PRDM8: variants seen among roughly 807,000 people sequenced by gnomAD.
PRDM8 encodes the protein PR/SET domain 8.
PRDM8 carries 13 observed loss-of-function variants against 46.5 expected under a neutral mutation model. The ratio of observed to expected loss-of-function variants is 0.28; its 90% CI spans 0.18 to 0.44. PRDM8 has a LOEUF of 0.44. PRDM8 is among the 20% of genes least tolerant of loss of function. The probability of loss-of-function intolerance (pLI) is 1.00; values close to 1 mark genes in which losing one functional copy is unlikely to be tolerated. For synonymous variants in PRDM8, 473 were observed against 438.4 expected (o/e 1.08, Z -0.98); for missense variants, 998 against 955.0 (o/e 1.04, Z -0.59).
chr4:80,193,328 A>G (rs1737691647), upstream of PRDM8, among the ~76,000 whole-genome samples: 1 of 152,194 alleles, frequency 6.6e-6, no homozygotes, highest in South Asian at 2.1e-4. Flanking sequence ...AAAAACGAGT[A>G]GCCCTTCCCA....
upstream of PRDM8, chr4:80,197,393 G>C: frequency 1.0e-6 from 1 of 976,782 alleles, no homozygotes; most frequent in Non-Finnish European, 1.2e-6. Context: ...AGGCGGCGCC[G>C]GAGGGAGCGC....
At chr4:80,185,505 G>A (rs1241068403) in exon 1 of PRDM8, 1 of 152,360 alleles carries the variant, frequency 6.6e-6, no homozygotes. Flanking sequence ...AAAATCGTCA[G>A]GGGCGGCGGC....
chr4:80,196,666 C>T (rs1231217557), upstream of PRDM8: 3 of 964,870 alleles, frequency 3.1e-6, no homozygotes, highest in Non-Finnish European at 3.7e-6. Flanking sequence ...GCCAACAGTA[C>T]CCATTATAGA....
At position 80,203,285 on chromosome 4, in the gene PRDM8, C is replaced by T. The variant is rs1433053403; in HGVS notation, c.1823C>T (p.Ala608Val). Residue 608 changes from alanine (A) to valine (V), a missense_variant, in exon 4 of 4, where the codon GCG becomes GTG. Physicochemically the swap from Ala to Val is moderately conservative, Grantham distance 64. Transcript: ENST00000415738. ...AGPLQLQLPS[A>V]LTLLPPSFTS... ...CCCTTGCAGCTGCAGCTGCCCTCGG[C>T]GCTCACGCTGCTGCCGCCCTCCTTC... 2 of 1,602,160 alleles carry T rather than the reference C, an allele frequency of 1.2e-6. No individual in the cohort carries two copies. Among genetic ancestry groups the T allele is most frequent in the Admixed American group, 1.7e-5 (1 of 58,820 alleles).
chr4:80,203,321 G>C lies in PRDM8; in HGVS notation c.1859G>C (p.Cys620Ser). 6.2e-7 allele frequency: 1 copy of C among 1,613,530 alleles called. No homozygotes were observed. Among genetic ancestry groups the C allele is most frequent in the Non-Finnish European group, 8.5e-7 (1 of 1,179,900 alleles). Residue 620 changes from cysteine to serine, a missense_variant, in exon 4 of 4, where the codon TGT becomes TCT. By Grantham distance (112) the Cys-to-Ser change is moderately radical (BLOSUM62 -1). Coordinates refer to ENST00000415738, the MANE Select transcript of PRDM8 (RefSeq NM_001099403.2). ...TLLPPSFTSL[C>S]LPAQNWCAKC... ...CTGCCGCCCTCCTTCACCTCGCTGT[G>C]TCTGCCCGCGCAGAACTGGTGCGCC...
upstream of PRDM8, chr4:80,196,025 CT>C: frequency 3.1e-6 from 3 of 982,954 alleles, no homozygotes; most frequent in Non-Finnish European, 3.6e-6. Context: ...AAATCCTCCC[CT>C]GGCCTCCTGG....
chr4:80,186,286 CTT>C (rs3834215), intron 1 of PRDM8, among the ~76,000 whole-genome samples: 1 of 150,348 alleles, frequency 6.7e-6, no homozygotes, highest in Admixed American at 6.6e-5. Flanking sequence ...TATTAGGAGC[CTT>C]TTTTTTTCCA....
chr4:80,203,774 A>G lies in PRDM8; in HGVS notation c.*242A>G. ...CACACACACACAGACACACTCACAC[A>G]CAAGAGCCAGGATGGTGGAGTTTTG... On this transcript the variant is annotated 3_prime_UTR_variant, in exon 4 of 4. Coordinates refer to ENST00000415738, the MANE Select transcript of PRDM8 (RefSeq NM_001099403.2). The G allele has an allele frequency of 2.6e-6, 1 of 386,844 alleles. No homozygotes were observed. The highest frequency in any genetic ancestry group is 4.5e-6 in the Non-Finnish European group (1 of 220,598). The allele number at this position is 386,844 out of a possible 1,614,324, so 24.0% of individuals were successfully genotyped here. A position where few individuals can be genotyped will look rare whatever the true frequency, so the allele number is the denominator to read the frequency against.
In PRDM8 at chr4:80,202,194, C is replaced by A; in HGVS notation, c.732C>A (p.Ser244Arg). 2 of 1,612,084 alleles carry A rather than the reference C, an allele frequency of 1.2e-6. No homozygotes were observed. Among genetic ancestry groups the A allele is most frequent in the South Asian group, 2.2e-5 (2 of 91,052 alleles). Reference sequence around the variant, plus strand: ...ACCCATCCCCCTCCCCGGAAAGCAGCAACCCATCCGCTGCCGCCGGCGGCA... The same window carrying A: ...ACCCATCCCCCTCCCCGGAAAGCAGAAACCCATCCGCTGCCGCCGGCGGCA... ...HHYPSPSPES[S>R]NPSAAAGGSS... The change falls in exon 4 of 4, where the codon AGC (serine) becomes AGA (arginine). Residue 244 changes from serine to arginine, a missense_variant. Coordinates refer to ENST00000415738, the MANE Select transcript of PRDM8 (RefSeq NM_001099403.2).
At chr4:80,188,742 G>GT (rs1412154059) in intron 1 of PRDM8, among the ~76,000 whole-genome samples, 1 of 152,220 alleles carries the variant, frequency 6.6e-6, no homozygotes, top group Non-Finnish European at 1.5e-5. Context: ...GACGGTGCGC[G>GT]TGGGGAAAAC....
At chr4:80,190,000 C>T (rs1187953889) in intron 1 of PRDM8, 2 of 152,264 alleles carry the variant, frequency 1.3e-5, no homozygotes, top group African/African-American at 4.8e-5. Context: ...CGCCCTCGTT[C>T]CCTTAGAGTC....
rs1045840735 is a variant in PRDM8, at chr4:80,203,269, C to G, written c.1807C>G (p.Leu603Val). The G allele has an allele frequency of 1.3e-6, 2 of 1,586,532 alleles. No individual in the cohort carries two copies. Among genetic ancestry groups the G allele is most frequent in the Non-Finnish European group, 1.7e-6 (2 of 1,168,032 alleles). The change falls in exon 4 of 4, where the codon CTG becomes GTG. Residue 603 changes from leucine to valine, a missense_variant. Physicochemically the swap from Leu to Val is conservative, Grantham distance 32. Coordinates refer to ENST00000415738, the MANE Select transcript of PRDM8 (RefSeq NM_001099403.2). ...GGCGGCGGCCGCGGGGCCCTTGCAGCTGCAGCTGCCCTCGGCGCTCACGCT... is the reference window on the plus strand; with the variant it reads ...GGCGGCGGCCGCGGGGCCCTTGCAGGTGCAGCTGCCCTCGGCGCTCACGCT... The part of the protein sequence containing the change: ...AAAAAAGPLQ[L>V]QLPSALTLLP...
intron 1 of PRDM8, among the ~76,000 whole-genome samples, chr4:80,189,371 T>C (rs1252097537): frequency 1.3e-5 from 2 of 151,318 alleles, no homozygotes; most frequent in African/African-American, 2.4e-5. Flanking sequence ...CAAATATCAA[T>C]CTACCGGGCA....
At chr4:80,199,510 T>C (rs1351969126) in intron 1 of PRDM8, among the ~76,000 whole-genome samples, 3 of 151,956 alleles carry the variant, frequency 2.0e-5, no homozygotes, top group African/African-American at 7.3e-5. Flanking sequence ...CCACTTGAAA[T>C]CCATTCGCCA....
Position 80,203,745 on chromosome 4 carries a change from C to CG in PRDM8, c.*213_*214insG. Reference sequence around the variant, plus strand: ...TATTTACCCGGGACACACACCCCCCCCCACACACACACACAGACACACTCA... The same window carrying CG: ...TATTTACCCGGGACACACACCCCCCCGCCACACACACACACAGACACACTCA... On this transcript the variant is annotated 3_prime_UTR_variant, in exon 4 of 4. Coordinates refer to ENST00000415738, the MANE Select transcript of PRDM8 (RefSeq NM_001099403.2). 1 of 435,710 alleles carries CG rather than the reference C, an allele frequency of 2.3e-6. No homozygotes were observed. Among genetic ancestry groups the CG allele is most frequent in the Non-Finnish European group, 3.9e-6 (1 of 256,140 alleles). 27.0% of individuals were successfully genotyped at this position (435,710 alleles called of 1,614,324 possible). A position where few individuals can be genotyped will look rare whatever the true frequency, so the allele number is the denominator to read the frequency against.
chr4:80,202,918 G>A lies in PRDM8; in HGVS notation c.1456G>A (p.Ala486Thr). Reference protein sequence around the residue: ...GGTGAGAAGGAGGGQGAASDE... With the variant: ...GGTGAGAAGGTGGGQGAASDE... ...AACGGGCGCCGGGGCCGCAGGCGGC[G>A]CGGGCGGGGGCCAGGGCGCCGCGTC... Residue 486 changes from alanine to threonine, a missense_variant, in exon 4 of 4, where the codon GCG (alanine) becomes ACG (threonine). Ala to Thr is a moderately conservative substitution (Grantham distance 58). Coordinates refer to ENST00000415738, the MANE Select transcript of PRDM8 (RefSeq NM_001099403.2). 7.4e-7 allele frequency: 1 copy of A among 1,354,230 alleles called. No individual in the cohort carries two copies. The highest frequency in any genetic ancestry group is 9.4e-7 in the Non-Finnish European group (1 of 1,064,138). 83.9% of individuals were successfully genotyped at this position (1,354,230 alleles called of 1,614,324 possible).
At chr4:80,199,576 A>C (rs907395710) in intron 1 of PRDM8, among the ~76,000 whole-genome samples, 1 of 152,092 alleles carries the variant, frequency 6.6e-6, no homozygotes, top group Non-Finnish European at 1.5e-5. Context: ...GAAGAAAAGA[A>C]AAAAATCAGC....
At chr4:80,193,592 T>A (rs1175455626), upstream of PRDM8, among the ~76,000 whole-genome samples, 1 of 152,250 alleles carries the variant, frequency 6.6e-6, no homozygotes, top group Non-Finnish European at 1.5e-5. Context: ...AAGTAGTCAG[T>A]AAAGTTTATC....
Position 80,201,529 on chromosome 4 carries a change from G to A in PRDM8, c.451+8G>A. On this transcript the variant is annotated splice_region_variant and intron_variant, in intron 3 of 3. Coordinates refer to ENST00000415738, the MANE Select transcript of PRDM8 (RefSeq NM_001099403.2). ...CCCACAACAAAATGAATGGTAGGTT[G>A]GCTCGCGACCGGCGTGTGGGCCCTT... 2 of 1,612,190 alleles carry A rather than the reference G, an allele frequency of 1.2e-6. No homozygotes were observed. Among genetic ancestry groups the A allele is most frequent in the Non-Finnish European group, 1.7e-6 (2 of 1,178,236 alleles).
Sources: gnomAD v4.1 joint callset for allele counts (sites outside exome capture counted in the v4.1 genomes callset) on GRCh38, gnomAD v4.1.1 for gene constraint, MANE v1.5 for transcripts, NCBI Gene and HGNC (gene_info 2026-07-23, HGNC 2026-07-21) for gene names.